FBLN7: variants seen among roughly 807,000 people sequenced by gnomAD.
The protein encoded by FBLN7 is fibulin 7, also known as fibulin-7.
Under a neutral mutation model 44.0 loss-of-function variants are expected in FBLN7, and 31 were observed. The ratio of observed to expected loss-of-function variants is 0.70; its 90% confidence interval spans 0.53 to 0.95. The LOEUF is 0.95. Ranked by LOEUF, FBLN7 falls within the 40% of genes least tolerant of loss-of-function variation. The pLI is 0.00. For synonymous variants in FBLN7, 262 were observed against 253.4 expected (o/e 1.03, Z -0.32); for missense variants, 573 against 618.5 (o/e 0.93, Z 0.78).
chr2:112,243,820 A>T, the FBLN7 span, among the ~76,000 whole-genome samples: 1 of 152,184 alleles, frequency 6.6e-6, no homozygotes, highest in East Asian at 1.9e-4. Context: ...AAAGCAAGAA[A>T]ATAACTGAAA....
At chr2:112,170,607 A>AAGAAT (rs1682410252) in intron 3 of FBLN7, among the ~76,000 whole-genome samples, 1 of 152,176 alleles carries the variant, frequency 6.6e-6, no homozygotes, top group Admixed American at 6.5e-5. Context: ...ATTTGGCACA[A>AAGAAT]TTGAAGAAAT....
chr2:112,148,143 G>A (rs530715846), intron 1 of FBLN7, among the ~76,000 whole-genome samples: 6 of 152,282 alleles, frequency 3.9e-5, no homozygotes, highest in South Asian at 2.1e-4. Context: ...GCTCCTTTCC[G>A]GCCTAGTATG....
At chr2:112,140,772 T>A (rs1680603048) in intron 1 of FBLN7, among the ~76,000 whole-genome samples, 1 of 152,152 alleles carries the variant, frequency 6.6e-6, no homozygotes, top group Non-Finnish European at 1.5e-5. Flanking sequence ...TTTGTGGCAT[T>A]TCCCAGGCAG....
At chr2:112,211,918 C>A in the FBLN7 span, 3 of 152,158 alleles carry the variant, frequency 2.0e-5, no homozygotes, top group African/African-American at 7.2e-5. Flanking sequence ...TCCTCTTAAC[C>A]CTTCTAAATA....
intron 1 of FBLN7, among the ~76,000 whole-genome samples, chr2:112,159,191 G>T (rs1573784589): frequency 1.4e-5 from 2 of 147,502 alleles, no homozygotes; most frequent in African/African-American, 2.5e-5. Flanking sequence ...ACTCTAGTGA[G>T]TTTTTTTTTT....
At chr2:112,234,161 T>C in the FBLN7 span, 1 of 1,606,350 alleles carries the variant, frequency 6.2e-7, no homozygotes, top group Non-Finnish European at 8.5e-7. Flanking sequence ...CAAATTTGTT[T>C]TCCCTTGCGT....
In FBLN7 at chr2:112,182,913, G is replaced by A. The variant is rs147173660; in HGVS notation, c.793G>A (p.Gly265Arg). ...CGGTGGATACCGAACTCTGGCTGAC[G>A]GGAAGAGCTGTGAGGGTGAGTGAGG... ...CPGGYRTLAD[G>R]KSCEDVDECV... Residue 265 changes from glycine to arginine, a missense_variant, in exon 6 of 8, where the codon GGG becomes AGG. By Grantham distance (125) the Gly-to-Arg change is moderately radical. Coordinates refer to ENST00000331203, the MANE Select transcript of FBLN7 (RefSeq NM_153214.3). 19 of 1,612,598 alleles carry A rather than the reference G, an allele frequency of 1.2e-5. No homozygotes were observed. Among genetic ancestry groups the A allele is most frequent in the Admixed American group, 1.0e-4 (6 of 59,906 alleles).
rs1682083537 is a variant in FBLN7, at chr2:112,165,111, C to T, written c.346C>T (p.Pro116Ser). Residue 116 changes from proline (P) to serine (S), a missense_variant, in exon 3 of 8, where the codon CCC (proline) becomes TCC (serine). Physicochemically the swap from Pro to Ser is moderately conservative, Grantham distance 74. Transcript: ENST00000331203. Reference sequence around the variant, plus strand: ...CAACCCTGGGTTCCGGCTGGTCGGGCCCAGCAGCGTGGTGTGTCTTCCCAA... The same window carrying T: ...CAACCCTGGGTTCCGGCTGGTCGGGTCCAGCAGCGTGGTGTGTCTTCCCAA... ...TCNPGFRLVG[P>S]SSVVCLPNGT... 3.1e-6 allele frequency: 5 copies of T among 1,614,066 alleles called. No homozygotes were observed. The highest frequency in any genetic ancestry group is 2.2e-5 in the East Asian group (1 of 44,894).
chr2:112,184,810 A>G (rs1215116025), intron 6 of FBLN7, among the ~76,000 whole-genome samples: 3 of 33,840 alleles, frequency 8.9e-5, no homozygotes, highest in South Asian at 1.2e-3. Context: ...ATATATACAT[A>G]TATATATATA....
chr2:112,162,158 G>A (rs1681910165), intron 2 of FBLN7, among the ~76,000 whole-genome samples: 1 of 152,144 alleles, frequency 6.6e-6, no homozygotes, highest in Non-Finnish European at 1.5e-5. Flanking sequence ...AGGATTACAG[G>A]TGCACACCAC....
In FBLN7 at chr2:112,160,752, G is replaced by A. The variant is rs3080964; in HGVS notation, c.235+917G>A. Among the ~76,000 whole-genome samples the A allele has an allele frequency of 4.8e-3, 155 of 32,442 alleles. 2 individuals carry two copies. Among genetic ancestry groups the A allele is most frequent in the African/African-American group, 0.03 (141 of 4,716 alleles). 21.3% of individuals were successfully genotyped at this position (32,442 alleles called of 152,430 possible). ...CGCACGCACACGCACACACGCGCAC[G>A]CACACACGCACGCACACGCAGACGC... On this transcript the variant is annotated intron_variant, in intron 2 of 7. Transcript: ENST00000331203.
Position 112,187,527 on chromosome 2 carries a change from G to A in FBLN7, c.*21G>A, listed in dbSNP as rs764224618. 1.2e-6 allele frequency: 2 copies of A among 1,610,446 alleles called. No homozygotes were observed. Among genetic ancestry groups the A allele is most frequent in the African/African-American group, 1.3e-5 (1 of 74,866 alleles). ...TCTGAGGGTACACAGGGGCACTGGG[G>A]TGTGGAGAGCTGACCTCATTTCTCT... On this transcript the variant is annotated 3_prime_UTR_variant, in exon 8 of 8. Transcript: ENST00000331203. The surrounding 1 kb of genome is among the most constrained non-coding windows in gnomAD (Gnocchi z 5.1).
intron 2 of FBLN7, among the ~76,000 whole-genome samples, chr2:112,162,729 C>T (rs559057126): frequency 1.3e-5 from 2 of 152,166 alleles, no homozygotes; most frequent in South Asian, 4.1e-4. Flanking sequence ...CATTAATCCA[C>T]TCCATTCACA....
chr2:112,187,435 T>C lies in FBLN7; in HGVS notation c.1249T>C (p.Tyr417His). ...TLEVDVDMSEYLDRSFQANHV... is the reference protein window; with the variant it reads ...TLEVDVDMSEHLDRSFQANHV... ...GGAGGTGGACGTCGACATGTCGGAA[T>C]ACCTGGACCGCTCCTTCCAGGCCAA... Residue 417 changes from tyrosine (Y) to histidine (H), a missense_variant, in exon 8 of 8, where the codon TAC becomes CAC. By Grantham distance (83) the Tyr-to-His change is moderately conservative. Transcript: ENST00000331203. This position sits in a 1 kb window ranked among gnomAD's most constrained non-coding sequence, Gnocchi z 5.1. The C allele has an allele frequency of 6.2e-7, 1 of 1,614,172 alleles. No homozygotes were observed. The highest frequency in any genetic ancestry group is 8.5e-7 in the Non-Finnish European group (1 of 1,180,018).
At chr2:112,192,741 C>A (rs1573850161), downstream of FBLN7, among the ~76,000 whole-genome samples, 1 of 152,204 alleles carries the variant, frequency 6.6e-6, no homozygotes. Flanking sequence ...TCAGCTTTAC[C>A]AAGCTCTCAC....
Position 112,175,843 on chromosome 2 carries a change from T to G in FBLN7, c.532+4T>G, listed in dbSNP as rs199534538. On this transcript the variant is annotated splice_donor_region_variant and intron_variant, in intron 4 of 7. Transcript: ENST00000331203. ...TGTCAGCATCAGGCCCAGACTGGTA[T>G]GTAGCCACCATGGGGTTAGGTGAGG... The G allele has an allele frequency of 1.1e-5, 17 of 1,613,690 alleles. No individual in the cohort carries two copies. Among genetic ancestry groups the G allele is most frequent in the Non-Finnish European group, 1.4e-5 (16 of 1,179,832 alleles).
chr2:112,201,568 G>C, the FBLN7 span, among the ~76,000 whole-genome samples: 1 of 152,084 alleles, frequency 6.6e-6, no homozygotes, highest in African/African-American at 2.4e-5. Flanking sequence ...ACATCCCAAA[G>C]AACACAGCCC....
downstream of FBLN7, among the ~76,000 whole-genome samples, chr2:112,191,581 AT>A: frequency 6.6e-6 from 1 of 152,224 alleles, no homozygotes; most frequent in African/African-American, 2.4e-5. Context: ...ATTAAAAAAA[AT>A]TCTTATAAGA....
chr2:112,215,064 T>TA, the FBLN7 span: 3 of 152,110 alleles, frequency 2.0e-5, no homozygotes, highest in Non-Finnish European at 4.4e-5. Flanking sequence ...ACTTTATATA[T>TA]AAAATCTATA....
Sources: gnomAD v4.1 joint callset for allele counts (sites outside exome capture counted in the v4.1 genomes callset) on GRCh38, gnomAD v4.1.1 for gene constraint, Gnocchi (gnomAD v3.1) non-coding constraint, MANE v1.5 for transcripts, NCBI Gene and HGNC (gene_info 2026-07-23, HGNC 2026-07-21) for gene names.